Variants in FAM47E observed in about 807,000 individuals in gnomAD.
FAM47E encodes the protein family with sequence similarity 47 member E.
A neutral mutation model predicts 41.6 loss-of-function variants in FAM47E; 32 were observed. The observed-to-expected ratio is 0.77, with a 90% CI of 0.58 to 1.03. The LOEUF (loss-of-function observed/expected upper bound fraction) is 1.03, where lower values mean the gene tolerates loss of function less well. Among genes scored for constraint, FAM47E ranks in the 50% least tolerant of loss-of-function variants. FAM47E has a pLI of 0.00. For synonymous variants in FAM47E, 184 were observed against 188.7 expected, an observed-to-expected ratio of 0.98 and a Z score of 0.20; for missense variants, 424 against 485.4, an observed-to-expected ratio of 0.87 and a Z score of 1.19.
At chr4:76,232,975 A>G (rs1374602797) in intron 2 of FAM47E, among the ~76,000 whole-genome samples, 4 of 152,312 alleles carry the variant, frequency 2.6e-5, no homozygotes, top group Admixed American at 1.3e-4. Flanking sequence ...ATTAATTTCC[A>G]TAATTCTTGC....
chr4:76,221,622 T>G (rs1442053359), intron 2 of FAM47E, among the ~76,000 whole-genome samples: 2 of 152,158 alleles, frequency 1.3e-5, no homozygotes, highest in African/African-American at 2.4e-5. Flanking sequence ...ACCCGGCCTA[T>G]TCCCCATTAT....
intron 2 of FAM47E, among the ~76,000 whole-genome samples, chr4:76,261,728 A>G (rs1171164358): frequency 1.3e-5 from 2 of 152,122 alleles, no homozygotes; most frequent in South Asian, 4.1e-4. Context: ...TACTATGTTC[A>G]CTATTTGAGT....
At chr4:76,222,191 A>C (rs1250109652) in intron 2 of FAM47E, among the ~76,000 whole-genome samples, 2 of 152,108 alleles carry the variant, frequency 1.3e-5, no homozygotes, top group Non-Finnish European at 2.9e-5. Flanking sequence ...TCCAGTGTCC[A>C]ATTCATGAAC....
chr4:76,278,473 C>G, intron 6 of FAM47E: 1 of 424,872 alleles, frequency 2.4e-6, no homozygotes, highest in Admixed American at 4.1e-5. Context: ...TCATGCTATT[C>G]CACCATTCTT....
At chr4:76,278,028 C>CA (rs1481563367) in intron 5 of FAM47E, 41 bp from the exon 6 acceptor site, 2 of 1,415,484 alleles carry the variant, frequency 1.4e-6, no homozygotes, top group South Asian at 1.7e-5. Context: ...GACAAACAAA[C>CA]AAAAAATCAA....
chr4:76,222,107 C>T (rs1733319550), intron 2 of FAM47E, among the ~76,000 whole-genome samples: 1 of 152,192 alleles, frequency 6.6e-6, no homozygotes, highest in Non-Finnish European at 1.5e-5. Flanking sequence ...TGGGCAGGCC[C>T]AATCCTTTAT....
chr4:76,220,497 T>C (rs1254988703), intron 2 of FAM47E, among the ~76,000 whole-genome samples: 1 of 152,124 alleles, frequency 6.6e-6, no homozygotes, highest in Admixed American at 6.5e-5. Flanking sequence ...CACGGTGGCA[T>C]GCACCTATAG....
At chr4:76,251,178 T>A (rs1417029941), upstream of FAM47E, among the ~76,000 whole-genome samples, 1 of 151,914 alleles carries the variant, frequency 6.6e-6, no homozygotes, top group East Asian at 1.9e-4. Context: ...CTGCTAGAAG[T>A]GAGTCGAGGC....
intron 5 of FAM47E, among the ~76,000 whole-genome samples, chr4:76,274,541 A>ATTG (rs1735019797): frequency 6.6e-6 from 1 of 152,200 alleles, no homozygotes; most frequent in Non-Finnish European, 1.5e-5. Flanking sequence ...TGATTGTGCC[A>ATTG]CTGTACTCCA....
At chr4:76,254,419 A>G (rs1199970903) in intron 1 of FAM47E, among the ~76,000 whole-genome samples, 1 of 152,170 alleles carries the variant, frequency 6.6e-6, no homozygotes, top group Admixed American at 6.5e-5. Flanking sequence ...TAATCTTATG[A>G]TTAGATGTAA....
Position 76,256,284 on chromosome 4 carries a change from C to T in FAM47E, c.181C>T (p.Pro61Ser). The change falls in exon 2 of 8, where the codon CCT (proline) becomes TCT (serine). Residue 61 changes from proline (P) to serine (S), a missense_variant. Physicochemically the swap from Pro to Ser is moderately conservative, Grantham distance 74. Transcript: ENST00000424749. ...GLDDFRKGCPPCTGLVTQVPV... is the reference protein window; with the variant it reads ...GLDDFRKGCPSCTGLVTQVPV... ...GGACGACTTCAGGAAGGGCTGCCCG[C>T]CTTGCACTGGTCTGGTGACTCAGGT... 1 of 1,551,704 alleles carries T rather than the reference C, an allele frequency of 6.4e-7. No homozygotes were observed. Among genetic ancestry groups the T allele is most frequent in the Non-Finnish European group, 8.7e-7 (1 of 1,147,000 alleles).
At chr4:76,215,244 T>C (rs1465086843) in intron 1 of FAM47E, among the ~76,000 whole-genome samples, 2 of 152,236 alleles carry the variant, frequency 1.3e-5, no homozygotes, top group Non-Finnish European at 2.9e-5. Context: ...TTGGCAACTA[T>C]AGTGTATTAT....
chr4:76,276,782 G>A (rs1416775357), intron 5 of FAM47E, among the ~76,000 whole-genome samples: 1 of 152,198 alleles, frequency 6.6e-6, no homozygotes, highest in African/African-American at 2.4e-5. Context: ...AGGCACTGAG[G>A]CAGAAGCATG....
chr4:76,229,025 A>AT (rs1219213387), intron 2 of FAM47E, among the ~76,000 whole-genome samples: 1 of 152,036 alleles, frequency 6.6e-6, no homozygotes, highest in Non-Finnish European at 1.5e-5. Flanking sequence ...CGCTTTATTC[A>AT]TTTTTTTAAT....
intron 2 of FAM47E, among the ~76,000 whole-genome samples, chr4:76,243,476 T>G (rs1490675463): frequency 6.6e-6 from 1 of 152,226 alleles, no homozygotes; most frequent in Admixed American, 6.5e-5. Flanking sequence ...GGTATTATTT[T>G]AGTATTTCAT....
intron 2 of FAM47E, among the ~76,000 whole-genome samples, chr4:76,237,362 T>G (rs918952272): frequency 9.4e-5 from 10 of 106,584 alleles, no homozygotes; most frequent in African/African-American, 3.5e-4. Flanking sequence ...TTTTTTTTTT[T>G]TTGTTTGTTT....
rs1734199776 is a variant in FAM47E at position 76,256,536 on chromosome 4, A to C, written c.420+13A>C. The stretch of plus-strand genomic sequence containing the variant: ...TATGCCCATAGAGGTGATGTGTCCT[A>C]GGGTTTGTGGGAGGGGCTTCACTGG... On this transcript the variant is annotated intron_variant, in intron 2 of 7. Coordinates refer to ENST00000424749, the MANE Select transcript of FAM47E (RefSeq NM_001136570.3). The C allele has an allele frequency of 2.0e-6, 3 of 1,525,886 alleles. No homozygotes were observed. Among genetic ancestry groups the C allele is most frequent in the Non-Finnish European group, 2.7e-6 (3 of 1,129,586 alleles). 94.5% of individuals were successfully genotyped at this position (1,525,886 alleles called of 1,614,324 possible).
At chr4:76,232,833 T>C (rs551703286) in intron 2 of FAM47E, among the ~76,000 whole-genome samples, 2 of 152,314 alleles carry the variant, frequency 1.3e-5, no homozygotes, top group African/African-American at 4.8e-5. Context: ...ACATTTGATA[T>C]TATGAAATAG....
At chr4:76,224,943 T>C (rs1733369501) in intron 2 of FAM47E, among the ~76,000 whole-genome samples, 1 of 152,038 alleles carries the variant, frequency 6.6e-6, no homozygotes, top group Admixed American at 6.6e-5. Context: ...CATTATATCA[T>C]TCTTATAGGC....
Sources: gnomAD v4.1 joint callset for allele counts (sites outside exome capture counted in the v4.1 genomes callset) on GRCh38, gnomAD v4.1.1 for gene constraint, MANE v1.5 for transcripts, NCBI Gene and HGNC (gene_info 2026-07-23, HGNC 2026-07-21) for gene names.